GPM6A: variants seen among roughly 807,000 people sequenced by gnomAD.
GPM6A encodes the protein glycoprotein M6A.
Under a neutral mutation model 32.1 loss-of-function variants are expected in GPM6A, and 7 were observed. The ratio of observed to expected loss-of-function variants is 0.22; its 90% CI spans 0.12 to 0.41. The LOEUF (loss-of-function observed/expected upper bound fraction) is 0.41, where lower values mean the gene tolerates loss of function less well. Ranked by LOEUF, GPM6A falls within the 10% of genes least tolerant of loss-of-function variation. GPM6A has a pLI of 1.00. For missense variants in GPM6A, 235 were observed against 347.2 expected, an observed-to-expected ratio of 0.68 and a Z score of 2.57; for synonymous variants, 130 against 123.4, an observed-to-expected ratio of 1.05 and a Z score of -0.35.
chr4:175,858,028 T>C (rs1343069289), intron 1 of GPM6A, among the ~76,000 whole-genome samples: 1 of 152,088 alleles, frequency 6.6e-6, no homozygotes, highest in African/African-American at 2.4e-5. Flanking sequence ...ACCACACACT[T>C]GAAAACTACA....
rs201603016 is a variant in GPM6A, at chr4:175,707,919, A to T, written c.38-6152T>A. 1.7e-4 allele frequency among the ~76,000 whole-genome samples: 26 copies of T among 152,222 alleles called. No individual in the cohort carries two copies. The East Asian group carries it at 4.8e-3, about 28-fold the overall frequency. ...TTCTTTTTATCTACCATTTCAATAA[A>T]TTTTTCTAATGTAAGTGAAACTTGC... On this transcript the variant is annotated intron_variant, in intron 1 of 6. Coordinates refer to ENST00000393658, the MANE Select transcript of GPM6A (RefSeq NM_201591.3).
chr4:175,790,632 T>A (rs1037259788), intron 1 of GPM6A, among the ~76,000 whole-genome samples: 4 of 152,200 alleles, frequency 2.6e-5, no homozygotes, highest in African/African-American at 9.6e-5. Context: ...AAAATGGAAG[T>A]CACTCTATCT....
At chr4:175,675,560 A>G (rs1444465317) in intron 2 of GPM6A, among the ~76,000 whole-genome samples, 1 of 152,194 alleles carries the variant, frequency 6.6e-6, no homozygotes, top group Non-Finnish European at 1.5e-5. Context: ...TTACACTTTC[A>G]ATAAACCCAC....
intron 1 of GPM6A, among the ~76,000 whole-genome samples, chr4:175,753,751 T>C (rs997436091): frequency 1.3e-5 from 2 of 152,168 alleles, no homozygotes; most frequent in African/African-American, 4.8e-5. Flanking sequence ...AATTTTGACA[T>C]ATTTTTCTAG....
At chr4:175,980,408 A>C (rs141147685) in intron 1 of GPM6A, among the ~76,000 whole-genome samples, 1 of 152,262 alleles carries the variant, frequency 6.6e-6, no homozygotes, top group East Asian at 1.9e-4. Flanking sequence ...AGATCATTTA[A>C]ATTTTTAAAG....
intron 1 of GPM6A, among the ~76,000 whole-genome samples, chr4:175,810,297 A>G (rs1426475627): frequency 6.6e-6 from 1 of 152,222 alleles, no homozygotes; most frequent in Non-Finnish European, 1.5e-5. Flanking sequence ...ATCAAGAGTG[A>G]AGAAAATTAC....
At position 175,633,157 on chromosome 4, in the gene GPM6A, A is replaced by G. The variant is rs1740398765; in HGVS notation, c.*1748T>C. The G allele has an allele frequency of 6.6e-6, 1 of 152,526 alleles. No homozygotes were observed. Among genetic ancestry groups the G allele is most frequent in the Non-Finnish European group, 1.5e-5 (1 of 67,930 alleles). 9.4% of individuals were successfully genotyped at this position (152,526 alleles called of 1,614,324 possible). On this transcript the variant is annotated 3_prime_UTR_variant, in exon 7 of 7. Transcript: ENST00000393658. ...TTACATAAGTTGAAAAGACAGTTTT[A>G]GAAATTATCACAAACTGTTAAGACA...
chr4:175,754,035 A>G (rs571698978), intron 1 of GPM6A, among the ~76,000 whole-genome samples: 2 of 152,262 alleles, frequency 1.3e-5, no homozygotes, highest in South Asian at 2.1e-4. Flanking sequence ...GCTCCAATCT[A>G]TCAATTCACT....
intron 1 of GPM6A, among the ~76,000 whole-genome samples, chr4:175,942,399 T>C (rs983775832): frequency 6.6e-6 from 1 of 152,210 alleles, no homozygotes; most frequent in African/African-American, 2.4e-5. Context: ...CATTTGCCAG[T>C]TTTGGCTTTT....
intron 1 of GPM6A, among the ~76,000 whole-genome samples, chr4:175,900,311 AG>A: frequency 1.6e-4 from 1 of 6,140 alleles, no homozygotes; most frequent in African/African-American, 2.9e-4. Context: ...AAAGAAGGAA[AG>A]GAAAGGAAAG....
At chr4:175,790,690 T>C (rs1733977433) in intron 1 of GPM6A, among the ~76,000 whole-genome samples, 1 of 152,192 alleles carries the variant, frequency 6.6e-6, no homozygotes, top group Non-Finnish European at 1.5e-5. Context: ...TATGAAGGCA[T>C]AGGGAAAGTT....
chr4:175,889,353 G>A (rs1173878931), intron 1 of GPM6A, among the ~76,000 whole-genome samples: 2 of 151,988 alleles, frequency 1.3e-5, no homozygotes, highest in Non-Finnish European at 2.9e-5. Context: ...GTGAGACCCT[G>A]CCACTACAAA....
At chr4:175,735,527 C>T (rs1444375905) in intron 1 of GPM6A, among the ~76,000 whole-genome samples, 1 of 151,770 alleles carries the variant, frequency 6.6e-6, no homozygotes, top group Non-Finnish European at 1.5e-5. Flanking sequence ...AATTATGAGC[C>T]TCTATTGCAA....
intron 2 of GPM6A, among the ~76,000 whole-genome samples, chr4:175,697,288 T>C (rs1449813240): frequency 6.6e-6 from 1 of 152,136 alleles, no homozygotes; most frequent in East Asian, 1.9e-4. Context: ...ATGAATCTGC[T>C]TCACAGAAGC....
At chr4:175,742,334 A>C (rs1731919018) in intron 1 of GPM6A, among the ~76,000 whole-genome samples, 1 of 152,144 alleles carries the variant, frequency 6.6e-6, no homozygotes, top group South Asian at 2.1e-4. Context: ...ATCAGTTTGC[A>C]AAATGGCTCG....
chr4:175,962,992 G>T (rs898145716), intron 1 of GPM6A, among the ~76,000 whole-genome samples: 8 of 151,726 alleles, frequency 5.3e-5, no homozygotes, highest in African/African-American at 1.9e-4. Context: ...AATCTAAAGA[G>T]TGCTAGAAAT....
At chr4:175,645,959 G>T (rs1412149464) in intron 4 of GPM6A, among the ~76,000 whole-genome samples, 1 of 152,086 alleles carries the variant, frequency 6.6e-6, no homozygotes, top group East Asian at 1.9e-4. Context: ...CTCTAGGGGG[G>T]TTTTCTTTAT....
intron 1 of GPM6A, among the ~76,000 whole-genome samples, chr4:175,949,907 C>T (rs566727035): frequency 2.6e-5 from 4 of 152,126 alleles, no homozygotes; most frequent in Non-Finnish European, 5.9e-5. Context: ...AACACTGTAG[C>T]CTTATGAGTT....
At chr4:175,916,954 C>T (rs1664574386) in intron 1 of GPM6A, among the ~76,000 whole-genome samples, 1 of 152,114 alleles carries the variant, frequency 6.6e-6, no homozygotes, top group African/African-American at 2.4e-5. Context: ...TTTTATACCC[C>T]CAAAGTGTTT....
Sources: gnomAD v4.1 joint callset for allele counts (sites outside exome capture counted in the v4.1 genomes callset) on GRCh38, gnomAD v4.1.1 for gene constraint, MANE v1.5 for transcripts, NCBI Gene and HGNC (gene_info 2026-07-23, HGNC 2026-07-21) for gene names.